Variants in HS6ST3 observed in about 807,000 individuals in gnomAD.
HS6ST3 encodes the protein heparan sulfate 6-O-sulfotransferase 3.
In HS6ST3, 12 loss-of-function variants were observed where a neutral mutation model predicts 36.7. That is an observed-to-expected ratio of 0.33 (90% CI 0.21 to 0.53). The LOEUF (loss-of-function observed/expected upper bound fraction) is 0.53, where lower values mean the gene tolerates loss of function less well. Ranked by LOEUF, HS6ST3 falls within the 20% of genes least tolerant of loss-of-function variation. The pLI, the probability that HS6ST3 is intolerant of heterozygous loss-of-function variation, is 0.95. For synonymous variants in HS6ST3, 240 were observed against 257.5 expected (o/e 0.93, Z 0.65); for missense variants, 584 against 640.9 (o/e 0.91, Z 0.96).
chr13:96,336,585 A>G (rs7982697), intron 1 of HS6ST3, among the ~76,000 whole-genome samples: 54,883 of 152,004 alleles, frequency 0.36, 10,196 homozygotes, highest in African/African-American at 0.42. Flanking sequence ...CCAGAAGAAG[A>G]TAGCCATCTG....
At chr13:96,171,638 A>T (rs185842125) in intron 1 of HS6ST3, among the ~76,000 whole-genome samples, 307 of 152,336 alleles carry the variant, frequency 2.0e-3, no homozygotes, top group Non-Finnish European at 3.8e-3. Flanking sequence ...AGGTTCTCAG[A>T]ATTCATCAGT....
intron 1 of HS6ST3, among the ~76,000 whole-genome samples, chr13:96,115,000 T>C (rs751047934): frequency 6.6e-6 from 1 of 152,184 alleles, no homozygotes; most frequent in African/African-American, 2.4e-5. Flanking sequence ...TTAGTCCAAG[T>C]TTAGGTAACC....
chr13:96,654,076 T>A (rs2056616408), intron 1 of HS6ST3, among the ~76,000 whole-genome samples: 1 of 152,196 alleles, frequency 6.6e-6, no homozygotes, highest in Non-Finnish European at 1.5e-5. Context: ...ACTTGTAAAT[T>A]TGTTTAAGTT....
intron 1 of HS6ST3, among the ~76,000 whole-genome samples, chr13:96,807,865 C>CAAA (rs59485746): frequency 3.5e-5 from 3 of 86,316 alleles, no homozygotes; most frequent in Non-Finnish European, 4.6e-5. Flanking sequence ...GACTCCAACT[C>CAAA]AAAAAAAAAA....
At chr13:96,192,768 A>T (rs1259840441) in intron 1 of HS6ST3, among the ~76,000 whole-genome samples, 1 of 152,126 alleles carries the variant, frequency 6.6e-6, no homozygotes, top group East Asian at 1.9e-4. Flanking sequence ...CTTTGGGTAG[A>T]TACTCAATAA....
chr13:96,620,706 A>C (rs1007213733), intron 1 of HS6ST3, among the ~76,000 whole-genome samples: 2 of 152,252 alleles, frequency 1.3e-5, no homozygotes, highest in African/African-American at 4.8e-5. Flanking sequence ...TTTAGCAATC[A>C]GAGAAGATAT....
intron 1 of HS6ST3, among the ~76,000 whole-genome samples, chr13:96,547,373 CCCT>C (rs2056201606): frequency 6.6e-6 from 1 of 152,110 alleles, no homozygotes; most frequent in South Asian, 2.1e-4. Context: ...TTTGCCCAGC[CCCT>C]CAGTCTAGTA....
chr13:96,353,763 A>G (rs1232142908), intron 1 of HS6ST3, among the ~76,000 whole-genome samples: 2 of 152,218 alleles, frequency 1.3e-5, no homozygotes, highest in African/African-American at 4.8e-5. Flanking sequence ...ATCATAAAGA[A>G]AAGATGTTTA....
intron 1 of HS6ST3, among the ~76,000 whole-genome samples, chr13:96,479,991 C>T (rs77625440): frequency 0.01 from 1,578 of 152,228 alleles, 48 homozygotes; most frequent in Admixed American, 0.062. Context: ...AGTGGGCCCA[C>T]TCAGTGACAG....
At chr13:96,707,174 G>A (rs1875449275) in intron 1 of HS6ST3, among the ~76,000 whole-genome samples, 1 of 152,038 alleles carries the variant, frequency 6.6e-6, no homozygotes, top group South Asian at 2.1e-4. Flanking sequence ...AGGGTTTTTG[G>A]AGGACTTAGG....
intron 1 of HS6ST3, among the ~76,000 whole-genome samples, chr13:96,233,753 G>A (rs1229076647): frequency 6.6e-6 from 1 of 152,166 alleles, no homozygotes; most frequent in Admixed American, 6.5e-5. Flanking sequence ...GAGAGGTTGG[G>A]CAGCAAGCTG....
chr13:96,693,583 G>A (rs547994), intron 1 of HS6ST3, among the ~76,000 whole-genome samples: 2,296 of 152,246 alleles, frequency 0.015, 55 homozygotes, highest in African/African-American at 0.051. Flanking sequence ...AATTACAGGC[G>A]TGAGCCACCA....
At chr13:96,306,514 T>C (rs1379441293) in intron 1 of HS6ST3, among the ~76,000 whole-genome samples, 1 of 152,160 alleles carries the variant, frequency 6.6e-6, no homozygotes, top group African/African-American at 2.4e-5. Context: ...CCCGGCTGGT[T>C]AAAATTTATC....
intron 1 of HS6ST3, among the ~76,000 whole-genome samples, chr13:96,271,074 G>C (rs1409012404): frequency 6.6e-6 from 1 of 151,876 alleles, no homozygotes; most frequent in Non-Finnish European, 1.5e-5. Context: ...TTTGGTAAAT[G>C]TTTAACAGCT....
Position 96,315,688 on chromosome 13 carries a change from TTA to T in HS6ST3, c.707+224120_707+224121del, listed in dbSNP as rs571003966. Among the ~76,000 whole-genome samples the T allele has an allele frequency of 7.2e-4, 109 of 152,204 alleles. 2 individuals carry two copies. The highest frequency in any genetic ancestry group is 3.4e-3 in the Middle Eastern group (1 of 294). On this transcript the variant is annotated intron_variant, in intron 1 of 1. Transcript: ENST00000376705. ...TAACAAATAAAAATGCCATTTTTTT[TTA>T]AAAAAAGGACTGTTTGTGTTAATCA...
chr13:96,697,885 TA>T (rs1875173921), intron 1 of HS6ST3, among the ~76,000 whole-genome samples: 1 of 152,174 alleles, frequency 6.6e-6, no homozygotes, highest in Non-Finnish European at 1.5e-5. Flanking sequence ...GCCTTTAAAC[TA>T]AAAGTATAAG....
chr13:96,112,583 ATATATATATATATAT>A, intron 1 of HS6ST3, among the ~76,000 whole-genome samples: 1 of 41,968 alleles, frequency 2.4e-5, no homozygotes, highest in South Asian at 9.2e-4. Flanking sequence ...AAATAAATAT[ATATATATATATATAT>A]ATATATATAT....
intron 1 of HS6ST3, among the ~76,000 whole-genome samples, chr13:96,807,469 A>G (rs1878223298): frequency 6.6e-6 from 1 of 152,186 alleles, no homozygotes; most frequent in Admixed American, 6.5e-5. Flanking sequence ...GACACAGACA[A>G]GCACACAGGG....
At chr13:96,162,764 A>G (rs1033170526) in intron 1 of HS6ST3, among the ~76,000 whole-genome samples, 4 of 152,150 alleles carry the variant, frequency 2.6e-5, no homozygotes, top group Admixed American at 1.3e-4. Context: ...AACACATTTT[A>G]TGTTATCTAG....
Sources: gnomAD v4.1 joint callset for allele counts (sites outside exome capture counted in the v4.1 genomes callset) on GRCh38, gnomAD v4.1.1 for gene constraint, MANE v1.5 for transcripts, NCBI Gene and HGNC (gene_info 2026-07-23, HGNC 2026-07-21) for gene names.